The following DHX32 variants were observed in gnomAD, a reference collection of about 807,000 sequenced individuals.
DHX32 encodes putative pre-mRNA-splicing factor ATP-dependent RNA helicase DHX32.
DHX32 carries 51 observed loss-of-function variants against 70.0 expected under a neutral mutation model. That is an observed-to-expected ratio of 0.73 (90% confidence interval 0.58 to 0.92). DHX32 has a LOEUF of 0.92. Ranked by LOEUF, DHX32 falls within the 40% of genes least tolerant of loss-of-function variation. The probability of loss-of-function intolerance (pLI) is 0.00; values close to 1 mark genes in which losing one functional copy is unlikely to be tolerated. For missense variants in DHX32, 762 were observed against 891.8 expected (o/e 0.85, Z 1.85); for synonymous variants, 310 against 315.3 (o/e 0.98, Z 0.18).
intron 1 of DHX32, among the ~76,000 whole-genome samples, chr10:125,888,024 C>G (rs1313365729): frequency 6.6e-6 from 1 of 152,138 alleles, no homozygotes; most frequent in Non-Finnish European, 1.5e-5. Context: ...CCTAAGCCCA[C>G]TCAACAGTAA....
intron 1 of DHX32, among the ~76,000 whole-genome samples, chr10:125,889,527 T>C (rs1440902144): frequency 6.6e-6 from 1 of 152,262 alleles, no homozygotes; most frequent in Non-Finnish European, 1.5e-5. Context: ...AGAATGTAAA[T>C]CAACTAACTG....
In DHX32 at chr10:125,854,000, T is replaced by A; in HGVS notation, c.1053A>T (p.Ser351=). 2.5e-6 allele frequency: 4 copies of A among 1,614,042 alleles called. No homozygotes were observed. The highest frequency in any genetic ancestry group is 3.4e-6 in the Non-Finnish European group (4 of 1,179,968). ...CACCCACATCGATAACAAATCTGAC[T>A]GAGTTGCTCCAGATCAAAAACTCTC... ...SSGEFLIWSN[S]VRFVIDVGVE... Residue 351 remains serine (S), a synonymous_variant, in exon 4 of 11, where the codon TCA becomes TCT. Coordinates refer to ENST00000284690, the MANE Select transcript of DHX32 (RefSeq NM_018180.3).
chr10:125,865,361 C>T (rs1421856172), intron 2 of DHX32, among the ~76,000 whole-genome samples: 1 of 152,156 alleles, frequency 6.6e-6, no homozygotes, highest in African/African-American at 2.4e-5. Flanking sequence ...GACTCAGGGA[C>T]ATAATTGTTA....
chr10:125,844,846 G>A (rs921351452), intron 6 of DHX32, among the ~76,000 whole-genome samples: 4 of 152,178 alleles, frequency 2.6e-5, no homozygotes, highest in Admixed American at 6.5e-5. Flanking sequence ...TATTAAGCTC[G>A]CTTGCCAGCG....
At chr10:125,838,734 G>T (rs372100185) in intron 9 of DHX32, among the ~76,000 whole-genome samples, 5 of 152,240 alleles carry the variant, frequency 3.3e-5, no homozygotes, top group Middle Eastern at 3.4e-3. Context: ...TGTGTAGCAC[G>T]CAATGACCCT....
At chr10:125,847,232 A>AAGGG (rs987617086) in intron 6 of DHX32, among the ~76,000 whole-genome samples, 11 of 151,610 alleles carry the variant, frequency 7.3e-5, no homozygotes, top group African/African-American at 2.7e-4. Context: ...CATACCATGG[A>AAGGG]AGGGAGGGAG....
chr10:125,874,751 C>G (rs1415590442), intron 1 of DHX32, among the ~76,000 whole-genome samples: 1 of 152,042 alleles, frequency 6.6e-6, no homozygotes, highest in East Asian at 1.9e-4. Flanking sequence ...TCAGTACAAA[C>G]TCATGGTTTT....
At chr10:125,879,927 A>T (rs1378538304) in intron 1 of DHX32, among the ~76,000 whole-genome samples, 1 of 152,196 alleles carries the variant, frequency 6.6e-6, no homozygotes, top group African/African-American at 2.4e-5. Flanking sequence ...TCCAGATGTG[A>T]GCCACTGTGC....
At position 125,838,204 on chromosome 10, in the gene DHX32, A is replaced by G; in HGVS notation, c.2063+2T>C. The stretch of plus-strand genomic sequence containing the variant: ...CAACCCTTTCTTCTCCATTAAACTT[A>G]CAGTTCAGGAGAGATTTCTGAGGTA... On this transcript the variant is annotated splice_donor_variant, in intron 10 of 10. Transcript: ENST00000284690. LOFTEE classifies it high-confidence loss of function. 1 of 1,575,064 alleles carries G rather than the reference A, an allele frequency of 6.3e-7. No homozygotes were observed. The highest frequency in any genetic ancestry group is 8.6e-7 in the Non-Finnish European group (1 of 1,167,190).
intron 4 of DHX32, chr10:125,853,166 G>T (rs765172574): frequency 6.2e-7 from 1 of 1,612,846 alleles, no homozygotes; most frequent in South Asian, 1.1e-5. Flanking sequence ...TTCTCTGAAG[G>T]CTGGACTAAT....
intron 1 of DHX32, among the ~76,000 whole-genome samples, chr10:125,867,661 G>A (rs568634000): frequency 3.1e-4 from 47 of 151,614 alleles, no homozygotes; most frequent in Non-Finnish European, 2.4e-4. Context: ...GCGTGAACCC[G>A]GGAGGCGGAG....
chr10:125,868,102 C>G (rs1008325645), intron 1 of DHX32, among the ~76,000 whole-genome samples: 2 of 152,048 alleles, frequency 1.3e-5, no homozygotes, highest in African/African-American at 4.8e-5. Context: ...GATAATCAAC[C>G]AACCCATCTG....
At chr10:125,848,864 C>G (rs1944056278) in intron 6 of DHX32, among the ~76,000 whole-genome samples, 1 of 152,168 alleles carries the variant, frequency 6.6e-6, no homozygotes, top group African/African-American at 2.4e-5. Flanking sequence ...CTCTATGAAC[C>G]AATTGCTTTG....
At chr10:125,867,513 G>T (rs1011858321) in intron 1 of DHX32, among the ~76,000 whole-genome samples, 1 of 152,226 alleles carries the variant, frequency 6.6e-6, no homozygotes, top group East Asian at 1.9e-4. Context: ...GAGGTGGGCG[G>T]ATCACGAAGT....
chr10:125,856,736 A>C (rs1944150235), intron 3 of DHX32, among the ~76,000 whole-genome samples: 1 of 152,186 alleles, frequency 6.6e-6, no homozygotes, highest in African/African-American at 2.4e-5. Flanking sequence ...GCTTGAGGCC[A>C]GGAGTTCAAG....
In DHX32 at chr10:125,866,874, G is replaced by T; in HGVS notation, c.476+116C>A. ...GGCTGGCTGATGACAGAGACCAGTT[G>T]CTACTGCACAGCATAGATGCTTAAC... On this transcript the variant is annotated intron_variant, in intron 2 of 10. Coordinates refer to ENST00000284690, the MANE Select transcript of DHX32 (RefSeq NM_018180.3). The surrounding 1 kb of genome is among the most constrained non-coding windows in gnomAD (Gnocchi z 4.8). 9.3e-7 allele frequency: 1 copy of T among 1,078,872 alleles called. No individual in the cohort carries two copies. The highest frequency in any genetic ancestry group is 1.3e-6 in the Non-Finnish European group (1 of 757,108). 66.8% of individuals were successfully genotyped at this position (1,078,872 alleles called of 1,614,324 possible).
intron 1 of DHX32, among the ~76,000 whole-genome samples, chr10:125,874,257 A>G (rs11244681): frequency 0.014 from 2,139 of 152,324 alleles, 21 homozygotes; most frequent in Non-Finnish European, 0.023. Flanking sequence ...TAAAACAACA[A>G]CAACAAAAAC....
upstream of DHX32, chr10:125,881,297 G>C (rs1317529): frequency 3.2e-5 from 5 of 153,952 alleles, no homozygotes; most frequent in African/African-American, 7.2e-5. Flanking sequence ...TTCTGCACTG[G>C]GCCTCGTGCT....
At chr10:125,838,075 G>T in intron 10 of DHX32, 131 bp downstream of exon 10, 1 of 794,952 alleles carries the variant, frequency 1.3e-6, no homozygotes, top group Non-Finnish European at 1.9e-6. Context: ...CCCTTAGTAG[G>T]TACTGTCAAC....
Sources: allele counts gnomAD v4.1 joint callset (sites outside exome capture counted in the v4.1 genomes callset), GRCh38; gene constraint gnomAD v4.1.1; non-coding constraint Gnocchi (gnomAD v3.1); transcripts MANE v1.5; gene names NCBI Gene and HGNC (gene_info 2026-07-23, HGNC 2026-07-21).